The following TNFRSF19 variants were observed in gnomAD, a reference collection of about 807,000 sequenced individuals.
TNFRSF19 encodes the protein TNF receptor superfamily member 19.
Under a neutral mutation model 46.4 loss-of-function variants are expected in TNFRSF19, and 27 were observed. The ratio of observed to expected loss-of-function variants is 0.58; its 90% CI spans 0.43 to 0.80. The LOEUF is 0.80. Among genes scored for constraint, TNFRSF19 ranks in the 30% least tolerant of loss-of-function variants. The pLI is 0.00. For synonymous variants in TNFRSF19, 204 were observed against 205.0 expected (o/e 1.00, Z 0.04); for missense variants, 511 against 530.8 (o/e 0.96, Z 0.37).
In TNFRSF19 at chr13:23,660,329, CTG is replaced by C. The variant is rs779655147; in HGVS notation, c.611-32_611-31del. ...TGGCACAGGTCCACTAGAGAGGAGA[CTG>C]TGTTCCCTGACAGAGTTCTCACCCC... is the stretch of plus-strand genomic sequence containing the variant. On this transcript the variant is annotated intron_variant, in intron 6 of 9. Coordinates refer to ENST00000248484, the MANE Select transcript of TNFRSF19 (RefSeq NM_148957.4). 4 of 1,593,896 alleles carry C rather than the reference CTG, an allele frequency of 2.5e-6. No homozygotes were observed. In the African/African-American group the frequency reaches 5.4e-5, roughly 21 times the overall value.
intron 1 of TNFRSF19, among the ~76,000 whole-genome samples, chr13:23,577,027 G>C (rs976940665): frequency 6.6e-6 from 1 of 152,208 alleles, no homozygotes; most frequent in Non-Finnish European, 1.5e-5. Context: ...CTAGGCATTG[G>C]CCTAAGCACT....
Position 23,676,041 on chromosome 13 carries a change from A to G in TNFRSF19, c.*2661A>G, listed in dbSNP as rs978888751. ...TAAATGTGTAAATTATCATTTTCTT[A>G]GTTTTGTAATACCTTTTTTATTTGT... is the stretch of plus-strand genomic sequence containing the variant. On this transcript the variant is annotated 3_prime_UTR_variant, in exon 10 of 10. Coordinates refer to ENST00000248484, the MANE Select transcript of TNFRSF19 (RefSeq NM_148957.4). 6.6e-6 allele frequency: 1 copy of G among 152,150 alleles called. No individual in the cohort carries two copies. Among genetic ancestry groups the G allele is most frequent in the African/African-American group, 2.4e-5 (1 of 41,430 alleles). 9.4% of individuals were successfully genotyped at this position (152,150 alleles called of 1,614,324 possible).
chr13:23,599,075 T>A (rs1417159136), intron 3 of TNFRSF19, among the ~76,000 whole-genome samples: 2 of 152,236 alleles, frequency 1.3e-5, no homozygotes, highest in Non-Finnish European at 2.9e-5. Flanking sequence ...TGGCTTTTAG[T>A]ATCCTGGGCT....
rs577479604 is a variant in TNFRSF19, at chr13:23,637,429, GCTGAGTCCTGAATCGA to G, written c.445+10640_445+10655del. ...TTGTAAAAGAGGCAGTAATGCCGGG[GCTGAGTCCTGAATCGA>G]CTTCCTGTTCCAAGTCTCAAGAAAA... On this transcript the variant is annotated intron_variant, in intron 5 of 9. Transcript: ENST00000248484. Among the ~76,000 whole-genome samples the G allele has an allele frequency of 5.4e-3, 827 of 152,348 alleles. 4 individuals carry two copies. Among genetic ancestry groups the G allele is most frequent in the South Asian group, 0.011 (53 of 4,830 alleles).
chr13:23,647,767 A>C (rs891625623), intron 5 of TNFRSF19, among the ~76,000 whole-genome samples: 1 of 152,182 alleles, frequency 6.6e-6, no homozygotes, highest in Non-Finnish European at 1.5e-5. Context: ...ATATGGTGTG[A>C]AGTAGTCTTC....
chr13:23,622,231 G>T (rs748452932), intron 4 of TNFRSF19, among the ~76,000 whole-genome samples: 1 of 151,124 alleles, frequency 6.6e-6, no homozygotes, highest in Non-Finnish European at 1.5e-5. Flanking sequence ...GTGAAACCCC[G>T]TCTCTACTAA....
Position 23,660,375 on chromosome 13 carries a change from G to C in TNFRSF19, c.621G>C (p.Arg207=), listed in dbSNP as rs114789019. ...FMEKKPSWSL[R]SQDIQYNGSE... is the part of the protein sequence containing the mutation. ...TCACCCCTCATTTAGGGTCTCTGCGGTCACAGGACATTCAGTACAACGGCT... is the reference window on the plus strand; with the variant it reads ...TCACCCCTCATTTAGGGTCTCTGCGCTCACAGGACATTCAGTACAACGGCT... Residue 207 remains arginine (R), a synonymous_variant, in exon 7 of 10, where the codon CGG becomes CGC. Transcript: ENST00000248484. 2.4e-4 allele frequency: 386 copies of C among 1,613,664 alleles called. 2 individuals carry two copies. The African/African-American group carries it at 4.5e-3, about 19-fold the overall frequency.
At chr13:23,656,018 T>C (rs1309396760) in intron 5 of TNFRSF19, among the ~76,000 whole-genome samples, 2 of 152,248 alleles carry the variant, frequency 1.3e-5, no homozygotes, top group South Asian at 2.1e-4. Flanking sequence ...CTCATACATA[T>C]AAACAAGAAT....
At chr13:23,578,231 G>T (rs3814787) in intron 1 of TNFRSF19, among the ~76,000 whole-genome samples, 1 of 151,946 alleles carries the variant, frequency 6.6e-6, no homozygotes, top group Non-Finnish European at 1.5e-5. Flanking sequence ...TGGGAGATGG[G>T]ACAGGGAAGC....
At chr13:23,578,869 G>C (rs949573800) in intron 1 of TNFRSF19, among the ~76,000 whole-genome samples, 1 of 152,338 alleles carries the variant, frequency 6.6e-6, no homozygotes, top group East Asian at 1.9e-4. Flanking sequence ...CCTGCAGGAG[G>C]CGAACTCGGG....
At chr13:23,605,217 T>C (rs747350376) in intron 3 of TNFRSF19, among the ~76,000 whole-genome samples, 9 of 152,154 alleles carry the variant, frequency 5.9e-5, no homozygotes, top group Non-Finnish European at 1.0e-4. Flanking sequence ...AGATCCTCCA[T>C]ATAGTATGTC....
At position 23,660,447 on chromosome 13, in the gene TNFRSF19, C is replaced by T; in HGVS notation, c.693C>T (p.His231=). 6.2e-7 allele frequency: 1 copy of T among 1,613,754 alleles called. No individual in the cohort carries two copies. Among genetic ancestry groups the T allele is most frequent in the Non-Finnish European group, 8.5e-7 (1 of 1,180,018 alleles). The change falls in exon 7 of 10, where the codon CAC becomes CAT. Residue 231 remains histidine (H), a synonymous_variant. Transcript: ENST00000248484. ...GACCTCAGCTCCACGAATATGCCCA[C>T]AGAGCCTGCTGCCAGTGCCGCCGTG... The part of the protein sequence containing the change: ...FDRPQLHEYA[H]RACCQCRRDS...
chr13:23,608,648 C>G (rs377728218), intron 3 of TNFRSF19, among the ~76,000 whole-genome samples: 4 of 152,180 alleles, frequency 2.6e-5, no homozygotes, highest in Non-Finnish European at 5.9e-5. Flanking sequence ...ATCCAGTATA[C>G]GAGCAACTAG....
intron 1 of TNFRSF19, among the ~76,000 whole-genome samples, chr13:23,583,811 AAAG>A (rs1878631384): frequency 1.3e-5 from 2 of 152,238 alleles, no homozygotes; most frequent in Non-Finnish European, 1.5e-5. Flanking sequence ...TTCTTGTAAG[AAAG>A]ACTGTGTAGA....
rs746641461 is a variant in TNFRSF19, at chr13:23,581,132, C to CTTT, written c.-34-9007_-34-9005dup. On this transcript the variant is annotated intron_variant, in intron 1 of 9. Coordinates refer to ENST00000248484, the MANE Select transcript of TNFRSF19 (RefSeq NM_148957.4). ...GATGTGCCTTTTCTTTTTTTCTTTT[C>CTTT]TTTTTTTTTTTTTGAAACGGAGTCT... 1.7e-3 allele frequency among the ~76,000 whole-genome samples: 245 copies of CTTT among 143,680 alleles called. 3 individuals carry two copies. The highest frequency in any genetic ancestry group is 5.4e-3 in the African/African-American group (211 of 38,864). 94.3% of individuals were successfully genotyped at this position (143,680 alleles called of 152,430 possible). A position where few individuals can be genotyped will look rare whatever the true frequency, so the allele number is the denominator to read the frequency against.
chr13:23,652,940 G>A (rs1214994465), intron 5 of TNFRSF19, among the ~76,000 whole-genome samples: 2 of 152,222 alleles, frequency 1.3e-5, no homozygotes, highest in African/African-American at 4.8e-5. Context: ...TGTGGGAGAT[G>A]TAATTGGCTA....
intron 5 of TNFRSF19, among the ~76,000 whole-genome samples, chr13:23,657,932 A>G (rs1299181803): frequency 6.6e-6 from 1 of 152,146 alleles, no homozygotes; most frequent in Non-Finnish European, 1.5e-5. Context: ...ACCTGGAGTA[A>G]TCTTCAGTCG....
chr13:23,654,724 A>G (rs1322474661), intron 5 of TNFRSF19, among the ~76,000 whole-genome samples: 1 of 152,248 alleles, frequency 6.6e-6, no homozygotes, highest in Non-Finnish European at 1.5e-5. Context: ...AGAGGGGCTC[A>G]GAAGGCCTGA....
chr13:23,655,773 T>TA (rs1883947197), intron 5 of TNFRSF19, among the ~76,000 whole-genome samples: 1 of 150,798 alleles, frequency 6.6e-6, no homozygotes, highest in African/African-American at 2.5e-5. Context: ...GTTTTGTTTT[T>TA]GTTTTTGTTT....
Sources: allele counts gnomAD v4.1 joint callset (sites outside exome capture counted in the v4.1 genomes callset), GRCh38; gene constraint gnomAD v4.1.1; transcripts MANE v1.5; gene names NCBI Gene and HGNC (gene_info 2026-07-23, HGNC 2026-07-21).